Variants in ARHGAP10 observed in about 807,000 individuals in gnomAD.
The protein encoded by ARHGAP10 is rho GTPase-activating protein 10.
In ARHGAP10, 87 loss-of-function variants were observed where a neutral mutation model predicts 108.6. The ratio of observed to expected loss-of-function variants is 0.80; its 90% CI spans 0.67 to 0.96. ARHGAP10 has a LOEUF of 0.96. Among genes scored for constraint, ARHGAP10 ranks in the 40% least tolerant of loss-of-function variants. The pLI, the probability that ARHGAP10 is intolerant of heterozygous loss-of-function variation, is 0.00. For synonymous variants in ARHGAP10, 347 were observed against 341.1 expected (o/e 1.02, Z -0.19); for missense variants, 939 against 954.5 (o/e 0.98, Z 0.21).
chr4:148,052,673 G>GT (rs968305082), intron 20 of ARHGAP10, among the ~76,000 whole-genome samples: 1 of 152,158 alleles, frequency 6.6e-6, no homozygotes, highest in Non-Finnish European at 1.5e-5. Flanking sequence ...GTGCCTTCTT[G>GT]TGGAAGGATG....
chr4:147,964,709 G>A (rs1232399224), intron 16 of ARHGAP10, among the ~76,000 whole-genome samples: 1 of 152,162 alleles, frequency 6.6e-6, no homozygotes, highest in African/African-American at 2.4e-5. Context: ...ACGATGAACA[G>A]ACATGAAACA....
intron 1 of ARHGAP10, among the ~76,000 whole-genome samples, chr4:147,785,083 T>TAAAAAAA (rs368685839): frequency 2.5e-5 from 3 of 118,770 alleles, no homozygotes; most frequent in Non-Finnish European, 5.0e-5. Context: ...GACTATTTTC[T>TAAAAAAA]AAAAAAAAAA....
At chr4:147,853,845 A>G (rs1419882501) in intron 4 of ARHGAP10, among the ~76,000 whole-genome samples, 1 of 151,796 alleles carries the variant, frequency 6.6e-6, no homozygotes. Flanking sequence ...CTATGGCTTC[A>G]TTGTTTACTT....
At position 147,788,704 on chromosome 4, in the gene ARHGAP10, C is replaced by T. The variant is rs145752870; in HGVS notation, c.155-34023C>T. On this transcript the variant is annotated intron_variant, in intron 1 of 22. Coordinates refer to ENST00000336498, the MANE Select transcript of ARHGAP10 (RefSeq NM_024605.4). ...CAGTCTGATTATCTCAAATGATATC[C>T]ATGCTTGATCTCTCTTGTTGGTAAA... 9.9e-5 allele frequency among the ~76,000 whole-genome samples: 15 copies of T among 152,260 alleles called. No homozygotes were observed. The East Asian group carries it at 2.9e-3, about 29-fold the overall frequency.
Position 147,732,471 on chromosome 4 carries a change from G to A in ARHGAP10, c.154+16G>A, listed in dbSNP as rs898346037. ...GCGACGAAAAGTAAGCGGGGACGCG[G>A]GCGCGGACGGGCTGCGGCGTGGCGA... On this transcript the variant is annotated intron_variant, in intron 1 of 22. Transcript: ENST00000336498. The A allele has an allele frequency of 1.9e-6, 3 of 1,609,032 alleles. No homozygotes were observed. The highest frequency in any genetic ancestry group is 2.3e-5 in the East Asian group (1 of 44,432).
At chr4:148,019,512 G>T (rs1275505644) in intron 18 of ARHGAP10, among the ~76,000 whole-genome samples, 1 of 152,122 alleles carries the variant, frequency 6.6e-6, no homozygotes, top group Non-Finnish European at 1.5e-5. Context: ...AGCACTTTAG[G>T]TGGCAGAGGC....
chr4:147,752,180 G>GC (rs1560739104), intron 1 of ARHGAP10, among the ~76,000 whole-genome samples: 2 of 152,138 alleles, frequency 1.3e-5, no homozygotes, highest in Non-Finnish European at 2.9e-5. Flanking sequence ...ACAACGCCTG[G>GC]CCAAGCCTTT....
intron 18 of ARHGAP10, among the ~76,000 whole-genome samples, chr4:148,008,355 G>C (rs1461700845): frequency 6.6e-6 from 1 of 152,012 alleles, no homozygotes; most frequent in Non-Finnish European, 1.5e-5. Context: ...TTAGAGCTCT[G>C]ACACATGCTA....
At chr4:147,907,638 G>A (rs1220981852) in intron 11 of ARHGAP10, among the ~76,000 whole-genome samples, 3 of 152,168 alleles carry the variant, frequency 2.0e-5, no homozygotes, top group Admixed American at 6.5e-5. Context: ...GAGTGTATAG[G>A]AAAAGAGAGC....
At chr4:147,869,361 T>G (rs1241586479) in intron 7 of ARHGAP10, among the ~76,000 whole-genome samples, 3 of 152,194 alleles carry the variant, frequency 2.0e-5, no homozygotes, top group Non-Finnish European at 4.4e-5. Context: ...GGGGGGCGTC[T>G]GTTTACCTTA....
intron 3 of ARHGAP10, among the ~76,000 whole-genome samples, chr4:147,830,945 ATTCT>A (rs1288184891): frequency 6.6e-6 from 1 of 152,252 alleles, no homozygotes. Context: ...CAAATATGCT[ATTCT>A]TTCTTTAGTA....
At chr4:147,854,126 G>A (rs970920329) in intron 4 of ARHGAP10, among the ~76,000 whole-genome samples, 24 of 152,036 alleles carry the variant, frequency 1.6e-4, no homozygotes, top group African/African-American at 5.8e-4. Flanking sequence ...CTAAGTAGTA[G>A]CTCTACTTTT....
intron 10 of ARHGAP10, among the ~76,000 whole-genome samples, chr4:147,902,286 C>G (rs1387797982): frequency 6.6e-6 from 1 of 152,192 alleles, no homozygotes; most frequent in Non-Finnish European, 1.5e-5. Flanking sequence ...AGCAACCAGA[C>G]TGTTCATGTG....
At position 147,823,097 on chromosome 4, in the gene ARHGAP10, C is replaced by T. The variant is rs1039610990; in HGVS notation, c.312+140C>T. On this transcript the variant is annotated intron_variant, in intron 3 of 22. Coordinates refer to ENST00000336498, the MANE Select transcript of ARHGAP10 (RefSeq NM_024605.4). ...CATTGTAATGGAAAGATGAGGTTTC[C>T]GGAGCCCTGATTTCTAGTTCCTTGA... is the stretch of plus-strand genomic sequence containing the variant. 1.8e-4 allele frequency: 167 copies of T among 912,186 alleles called. 1 individual carries two copies. Among genetic ancestry groups the T allele is most frequent in the Middle Eastern group, 1.0e-3 (3 of 2,914 alleles). 56.5% of individuals were successfully genotyped at this position (912,186 alleles called of 1,614,324 possible).
chr4:148,003,096 G>C (rs997110108), intron 18 of ARHGAP10, among the ~76,000 whole-genome samples: 1 of 152,180 alleles, frequency 6.6e-6, no homozygotes, highest in Admixed American at 6.5e-5. Flanking sequence ...ATGTGTCCCA[G>C]AGATTCTGGT....
At chr4:148,045,241 C>G (rs985890210) in intron 19 of ARHGAP10, among the ~76,000 whole-genome samples, 1 of 152,186 alleles carries the variant, frequency 6.6e-6, no homozygotes, top group African/African-American at 2.4e-5. Context: ...TTCCAGCCAT[C>G]ACCACCATCT....
intron 18 of ARHGAP10, among the ~76,000 whole-genome samples, chr4:147,969,225 G>T (rs1739314011): frequency 6.6e-6 from 1 of 152,014 alleles, no homozygotes; most frequent in Non-Finnish European, 1.5e-5. Flanking sequence ...GCTAATGTTG[G>T]GTTCTCATGG....
chr4:147,913,144 TATG>T lies in ARHGAP10; in HGVS notation c.1228+8_1228+10del. 6.2e-7 allele frequency: 1 copy of T among 1,612,138 alleles called. No homozygotes were observed. Among genetic ancestry groups the T allele is most frequent in the Non-Finnish European group, 8.5e-7 (1 of 1,178,296 alleles). On this transcript the variant is annotated splice_donor_region_variant and intron_variant, in intron 13 of 22. Coordinates refer to ENST00000336498, the MANE Select transcript of ARHGAP10 (RefSeq NM_024605.4). ...TCAGTGCCGTTGAAACACGAGGTAA[TATG>T]ATTGAATCATTTCATTCATGAGAGG... is the stretch of plus-strand genomic sequence containing the variant.
chr4:148,044,897 G>C (rs1578821743), intron 19 of ARHGAP10, among the ~76,000 whole-genome samples: 1 of 152,168 alleles, frequency 6.6e-6, no homozygotes, highest in African/African-American at 2.4e-5. Context: ...TATTGGCGCT[G>C]AGTTTCTCCA....
Sources: gnomAD v4.1 joint callset for allele counts (sites outside exome capture counted in the v4.1 genomes callset) on GRCh38, gnomAD v4.1.1 for gene constraint, MANE v1.5 for transcripts, NCBI Gene and HGNC (gene_info 2026-07-23, HGNC 2026-07-21) for gene names.